Variants in CEP83 observed in about 807,000 individuals in gnomAD.
CEP83 encodes centrosomal protein of 83 kDa.
Under a neutral mutation model 101.9 loss-of-function variants are expected in CEP83, and 70 were observed. That is an observed-to-expected ratio of 0.69 (90% CI 0.57 to 0.84). CEP83 has a LOEUF of 0.84. Ranked by LOEUF, CEP83 falls within the 40% of genes least tolerant of loss-of-function variation. CEP83 has a pLI of 0.00. For synonymous variants in CEP83, 264 were observed against 267.9 expected, an observed-to-expected ratio of 0.99 and a Z score of 0.14; for missense variants, 715 against 787.2, an observed-to-expected ratio of 0.91 and a Z score of 1.10.
intron 2 of CEP83, chr12:94,424,359 G>C (rs551073133): frequency 6.8e-5 from 110 of 1,614,028 alleles, no homozygotes; most frequent in Admixed American, 2.3e-4. Flanking sequence ...GGTACTCCAG[G>C]GGGTGTCTTA....
At chr12:94,448,542 A>G (rs2066977506) in intron 1 of CEP83, among the ~76,000 whole-genome samples, 1 of 152,154 alleles carries the variant, frequency 6.6e-6, no homozygotes, top group South Asian at 2.1e-4. Context: ...GGCACAAGAC[A>G]AGTCTCAATA....
At chr12:94,448,758 A>C (rs2066992252) in intron 1 of CEP83, among the ~76,000 whole-genome samples, 2 of 152,146 alleles carry the variant, frequency 1.3e-5, no homozygotes. Flanking sequence ...AGCAAACCAA[A>C]ATGTACAGAA....
chr12:94,406,238 T>A (rs1190694467), intron 4 of CEP83, among the ~76,000 whole-genome samples: 1 of 152,064 alleles, frequency 6.6e-6, no homozygotes, highest in East Asian at 1.9e-4. Flanking sequence ...TGTATCAGAA[T>A]ATAAAAATAT....
chr12:94,298,717 T>C, the CEP83 span: 2 of 1,613,306 alleles, frequency 1.2e-6, no homozygotes, highest in Non-Finnish European at 1.7e-6. Flanking sequence ...ATAAAATACT[T>C]TTTTGACTTT....
chr12:94,433,601 A>T (rs984183141), intron 2 of CEP83, among the ~76,000 whole-genome samples: 4 of 151,692 alleles, frequency 2.6e-5, no homozygotes, highest in Non-Finnish European at 4.4e-5. Flanking sequence ...AGATCGCTTG[A>T]GCCCAGGAGG....
At chr12:94,375,588 T>A (rs2061492036) in intron 8 of CEP83, among the ~76,000 whole-genome samples, 1 of 152,146 alleles carries the variant, frequency 6.6e-6, no homozygotes, top group Admixed American at 6.6e-5. Flanking sequence ...TCACAGTGGA[T>A]GTCATAAGAA....
chr12:94,351,337 G>A (rs1336304678), intron 11 of CEP83, among the ~76,000 whole-genome samples: 2 of 152,130 alleles, frequency 1.3e-5, no homozygotes, highest in East Asian at 3.8e-4. Context: ...CTCCAGAGAA[G>A]GAACACACAC....
intron 16 of CEP83, among the ~76,000 whole-genome samples, chr12:94,309,217 A>G (rs565326046): frequency 5.3e-5 from 8 of 152,320 alleles, no homozygotes; most frequent in South Asian, 2.1e-4. Context: ...TAACTTTCCA[A>G]CAACACTGGT....
At chr12:94,427,314 G>GA (rs1200000732) in intron 2 of CEP83, among the ~76,000 whole-genome samples, 12 of 152,218 alleles carry the variant, frequency 7.9e-5, no homozygotes, top group Middle Eastern at 6.8e-3. Flanking sequence ...AGCAATAAGT[G>GA]AAAAAAAGTG....
intron 2 of CEP83, among the ~76,000 whole-genome samples, chr12:94,425,358 T>C (rs577102212): frequency 6.6e-6 from 1 of 152,254 alleles, no homozygotes; most frequent in Admixed American, 6.5e-5. Flanking sequence ...TCTGGCATCA[T>C]CCCATGGAGG....
chr12:94,398,762 C>G (rs903358906), intron 6 of CEP83, among the ~76,000 whole-genome samples: 1 of 152,144 alleles, frequency 6.6e-6, no homozygotes, highest in Non-Finnish European at 1.5e-5. Flanking sequence ...GAAGATATCG[C>G]TAAATTCTTT....
At chr12:94,370,376 T>A (rs566090559) in intron 8 of CEP83, among the ~76,000 whole-genome samples, 1 of 152,304 alleles carries the variant, frequency 6.6e-6, no homozygotes, top group Non-Finnish European at 1.5e-5. Flanking sequence ...CTTTTAAAAT[T>A]TGTTAATATT....
At chr12:94,279,529 A>AC in the CEP83 span, 1 of 1,614,210 alleles carries the variant, frequency 6.2e-7, no homozygotes, top group Non-Finnish European at 8.5e-7. Context: ...TGTCTGTCGG[A>AC]ATATTTCAGT....
chr12:94,294,322 T>C, the CEP83 span, among the ~76,000 whole-genome samples: 10 of 152,226 alleles, frequency 6.6e-5, no homozygotes, highest in Admixed American at 1.3e-4. Flanking sequence ...GCTTGTCATT[T>C]AGTCCCAGCC....
At chr12:94,279,468 G>A in the CEP83 span, 2 of 1,611,106 alleles carry the variant, frequency 1.2e-6, no homozygotes, top group Non-Finnish European at 8.5e-7. Context: ...TTGTACTCTT[G>A]CAGGCATTAA....
At chr12:94,371,188 T>C (rs1382653425) in intron 8 of CEP83, among the ~76,000 whole-genome samples, 1 of 152,162 alleles carries the variant, frequency 6.6e-6, no homozygotes, top group Non-Finnish European at 1.5e-5. Flanking sequence ...TTATATACCA[T>C]ACAAAAGGGT....
intron 1 of CEP83, among the ~76,000 whole-genome samples, chr12:94,453,054 C>T (rs2067374673): frequency 6.6e-6 from 1 of 152,218 alleles, no homozygotes; most frequent in Non-Finnish European, 1.5e-5. Flanking sequence ...TAGGACTACA[C>T]ACTCAATGTT....
the CEP83 span, among the ~76,000 whole-genome samples, chr12:94,296,553 C>T: frequency 2.0e-5 from 3 of 152,166 alleles, no homozygotes; most frequent in Admixed American, 6.5e-5. Context: ...CCTCACTCTG[C>T]GCTACTCTTG....
chr12:94,309,872 C>CA, intron 16 of CEP83, 46 bp downstream of exon 16: 4 of 1,268,772 alleles, frequency 3.2e-6, no homozygotes, highest in Non-Finnish European at 4.2e-6. Flanking sequence ...TAAAAACCTA[C>CA]AAAAATGTAC....
Sources: allele counts gnomAD v4.1 joint callset (sites outside exome capture counted in the v4.1 genomes callset), GRCh38; gene constraint gnomAD v4.1.1; transcripts MANE v1.5; gene names NCBI Gene and HGNC (gene_info 2026-07-23, HGNC 2026-07-21).